SUPT3H: variants seen among roughly 807,000 people sequenced by gnomAD.
The protein encoded by SUPT3H is transcription initiation protein SPT3 homolog.
In SUPT3H, 44 loss-of-function variants were observed where a neutral mutation model predicts 44.3. That is an observed-to-expected ratio of 0.99 (90% CI 0.78 to 1.28). The LOEUF (loss-of-function observed/expected upper bound fraction) is 1.28, where lower values mean the gene tolerates loss of function less well. Among genes scored for constraint, SUPT3H ranks in the 50% most tolerant of loss-of-function variants. The pLI, the probability that SUPT3H is intolerant of heterozygous loss-of-function variation, is 0.00. For synonymous variants in SUPT3H, 124 were observed against 125.6 expected (o/e 0.99, Z 0.09); for missense variants, 380 against 387.1 (o/e 0.98, Z 0.15).
At chr6:44,891,498 A>G (rs1763309244) in intron 10 of SUPT3H, among the ~76,000 whole-genome samples, 1 of 152,206 alleles carries the variant, frequency 6.6e-6, no homozygotes, top group South Asian at 2.1e-4. Flanking sequence ...GCCAGACACA[A>G]GAGACCACAT....
chr6:44,992,767 G>A (rs1258120931), intron 6 of SUPT3H, among the ~76,000 whole-genome samples: 1 of 152,048 alleles, frequency 6.6e-6, no homozygotes, highest in Non-Finnish European at 1.5e-5. Context: ...TACTAATATT[G>A]TTTTTAAAAA....
intron 2 of SUPT3H, among the ~76,000 whole-genome samples, chr6:45,241,074 A>C (rs917830708): frequency 6.6e-6 from 1 of 152,206 alleles, no homozygotes; most frequent in African/African-American, 2.4e-5. Context: ...TTGTGCTTTT[A>C]ATCTGTGTTA....
chr6:45,026,624 T>A (rs1786047759), intron 3 of SUPT3H, among the ~76,000 whole-genome samples: 1 of 152,198 alleles, frequency 6.6e-6, no homozygotes, highest in Admixed American at 6.5e-5. Flanking sequence ...TTCTTCTGAA[T>A]CTGTAATTCT....
chr6:45,214,901 A>G (rs1479222303), intron 2 of SUPT3H, among the ~76,000 whole-genome samples: 1 of 152,014 alleles, frequency 6.6e-6, no homozygotes, highest in African/African-American at 2.4e-5. Context: ...TCGGCACTCC[A>G]TGCCCCTTCC....
intron 2 of SUPT3H, among the ~76,000 whole-genome samples, chr6:45,167,817 AT>A (rs888390443): frequency 9.4e-4 from 135 of 143,274 alleles, no homozygotes; most frequent in Middle Eastern, 7.1e-3. Flanking sequence ...ATTTTCATTT[AT>A]TTTTTTTTTT....
downstream of SUPT3H, among the ~76,000 whole-genome samples, chr6:44,823,018 T>G (rs1457517060): frequency 1.3e-5 from 2 of 149,498 alleles, no homozygotes. Flanking sequence ...CTCTGGAGGC[T>G]GAGGCAGGAG....
intron 3 of SUPT3H, among the ~76,000 whole-genome samples, chr6:45,068,340 C>CA (rs1196952019): frequency 7.5e-6 from 1 of 132,820 alleles, no homozygotes; most frequent in Non-Finnish European, 1.6e-5. Context: ...GGAGGGATAG[C>CA]ATTGGGAGAT....
intron 2 of SUPT3H, among the ~76,000 whole-genome samples, chr6:45,262,096 T>C (rs1322996303): frequency 6.6e-6 from 1 of 152,054 alleles, no homozygotes. Flanking sequence ...AATGGAAATA[T>C]AGTCCATGCT....
At chr6:44,896,141 T>C (rs1764101770) in intron 10 of SUPT3H, among the ~76,000 whole-genome samples, 1 of 151,538 alleles carries the variant, frequency 6.6e-6, no homozygotes, top group South Asian at 2.1e-4. Context: ...GCTAGTCAAT[T>C]AGTATTTCAA....
chr6:45,182,421 C>G (rs1813435710), intron 2 of SUPT3H, among the ~76,000 whole-genome samples: 1 of 152,162 alleles, frequency 6.6e-6, no homozygotes, highest in African/African-American at 2.4e-5. Context: ...GCCCCCACGC[C>G]TGGCTAATTT....
At chr6:45,128,749 A>C (rs550347952) in intron 2 of SUPT3H, among the ~76,000 whole-genome samples, 2 of 149,960 alleles carry the variant, frequency 1.3e-5, no homozygotes, top group South Asian at 4.2e-4. Flanking sequence ...GCAGTGGCAC[A>C]ATCTTGGCTC....
chr6:44,929,960 T>C (rs1160950195), intron 10 of SUPT3H, among the ~76,000 whole-genome samples: 2 of 152,122 alleles, frequency 1.3e-5, no homozygotes, highest in Non-Finnish European at 2.9e-5. Context: ...TAAAAAAGCA[T>C]AGGTAGCCTG....
chr6:44,823,122 A>ACT (rs1767472747), downstream of SUPT3H, among the ~76,000 whole-genome samples: 1 of 116,120 alleles, frequency 8.6e-6, no homozygotes, highest in Non-Finnish European at 1.7e-5. Flanking sequence ...AAAAAAAAAA[A>ACT]TTTTTTTCTA....
chr6:45,223,754 G>C (rs1766450946), intron 2 of SUPT3H, among the ~76,000 whole-genome samples: 2 of 151,442 alleles, frequency 1.3e-5, no homozygotes, highest in Non-Finnish European at 3.0e-5. Flanking sequence ...TACATTTACT[G>C]TAATTATCAC....
intron 2 of SUPT3H, among the ~76,000 whole-genome samples, chr6:45,219,985 G>C (rs1395044935): frequency 7.3e-6 from 1 of 136,092 alleles, no homozygotes; most frequent in Non-Finnish European, 1.5e-5. Context: ...GTTTCAGTGA[G>C]CCGAGACCAT....
chr6:44,903,278 C>T (rs952036949), intron 10 of SUPT3H, among the ~76,000 whole-genome samples: 24 of 151,990 alleles, frequency 1.6e-4, no homozygotes, highest in East Asian at 1.4e-3. Context: ...ATTGATAGAC[C>T]GCTAGCAAGA....
At chr6:44,948,326 A>G (rs563725539) in intron 9 of SUPT3H, among the ~76,000 whole-genome samples, 125 of 152,356 alleles carry the variant, frequency 8.2e-4, no homozygotes, top group African/African-American at 2.8e-3. Context: ...GGACATAGGC[A>G]TGGGCAAGGA....
chr6:45,328,362 T>G lies in SUPT3H; in HGVS notation c.101+36839A>C, dbSNP rs775587041. On this transcript the variant is annotated intron_variant, in intron 2 of 10. Transcript: ENST00000371459. The stretch of plus-strand genomic sequence containing the variant: ...TCACAAACAACCACAGAACCACAAG[T>G]GCGGTGCAAACTTTCTCCAGGAGGA... The G allele has an allele frequency of 6.5e-6, 9 of 1,385,098 alleles. No homozygotes were observed. In the East Asian group the frequency reaches 3.0e-4, roughly 46 times the overall value. 85.8% of individuals were successfully genotyped at this position (1,385,098 alleles called of 1,614,324 possible).
chr6:45,286,906 G>A (rs1263430004), intron 2 of SUPT3H, among the ~76,000 whole-genome samples: 2 of 152,142 alleles, frequency 1.3e-5, no homozygotes, highest in African/African-American at 4.8e-5. Flanking sequence ...GGAATACTAT[G>A]CAGCCCTAAA....
Sources: allele counts gnomAD v4.1 joint callset (sites outside exome capture counted in the v4.1 genomes callset), GRCh38; gene constraint gnomAD v4.1.1; transcripts MANE v1.5; gene names NCBI Gene and HGNC (gene_info 2026-07-23, HGNC 2026-07-21).